Variants in RALGAPA1 observed in about 807,000 individuals in gnomAD.
RALGAPA1 encodes ral GTPase-activating protein subunit alpha-1.
In RALGAPA1, 52 loss-of-function variants were observed where a neutral mutation model predicts 269.6. That is an observed-to-expected ratio of 0.19 (90% CI 0.15 to 0.24). RALGAPA1 has a LOEUF of 0.24. RALGAPA1 is among the 10% of genes least tolerant of loss of function. The pLI is 1.00. For synonymous variants in RALGAPA1, 817 were observed against 1,008.3 expected (o/e 0.81, Z 3.60); for missense variants, 1,917 against 3,013.9 (o/e 0.64, Z 8.52).
intron 16 of RALGAPA1, chr14:35,706,614 C>CTTTTTTT (rs58711278): frequency 5.4e-5 from 6 of 111,218 alleles, no homozygotes; most frequent in East Asian, 2.5e-4. Context: ...TTTGCCTTTC[C>CTTTTTTT]TTTTTTTTTT....
intron 39 of RALGAPA1, among the ~76,000 whole-genome samples, chr14:35,560,289 G>C (rs1006268954): frequency 3.9e-5 from 6 of 152,012 alleles, no homozygotes; most frequent in African/African-American, 1.4e-4. Flanking sequence ...CCTACTTCTT[G>C]ATCTTTATCT....
chr14:35,680,472 A>G (rs1341083513), intron 21 of RALGAPA1, among the ~76,000 whole-genome samples: 1 of 152,154 alleles, frequency 6.6e-6, no homozygotes, highest in East Asian at 1.9e-4. Context: ...AGCCTCCCAA[A>G]GTACTGGGAT....
intron 17 of RALGAPA1, among the ~76,000 whole-genome samples, chr14:35,695,437 T>C (rs1173267727): frequency 2.0e-5 from 3 of 152,180 alleles, no homozygotes; most frequent in Non-Finnish European, 4.4e-5. Context: ...GACATACTAT[T>C]TTATTTTTCA....
chr14:35,575,862 G>A (rs942583576), intron 37 of RALGAPA1, among the ~76,000 whole-genome samples: 2 of 152,092 alleles, frequency 1.3e-5, no homozygotes, highest in African/African-American at 4.8e-5. Context: ...CCAAAGTGCT[G>A]GGATTACAGG....
At chr14:35,790,324 T>C (rs2141763505) in intron 1 of RALGAPA1, among the ~76,000 whole-genome samples, 1 of 152,040 alleles carries the variant, frequency 6.6e-6, no homozygotes. Flanking sequence ...TTCAAAGAAT[T>C]GTGGGGATCT....
intron 12 of RALGAPA1, among the ~76,000 whole-genome samples, chr14:35,730,254 G>C (rs190956083): frequency 2.4e-4 from 36 of 152,312 alleles, no homozygotes; most frequent in African/African-American, 8.2e-4. Context: ...GGGTCCCCAG[G>C]CAGGCCATTC....
chr14:35,735,798 AT>A (rs1009085465), intron 12 of RALGAPA1, among the ~76,000 whole-genome samples: 3 of 152,182 alleles, frequency 2.0e-5, no homozygotes, highest in African/African-American at 7.2e-5. Flanking sequence ...TCAAATGCAA[AT>A]TTTTTAACAG....
At chr14:35,748,437 C>T (rs951640765) in intron 10 of RALGAPA1, 148 bp downstream of exon 10, 19 of 865,634 alleles carry the variant, frequency 2.2e-5, no homozygotes, top group Non-Finnish European at 2.9e-5. Context: ...TGGCCTCAAA[C>T]TCCTGGGCTC....
intron 36 of RALGAPA1, among the ~76,000 whole-genome samples, chr14:35,596,399 T>C (rs1198052504): frequency 6.6e-6 from 1 of 152,042 alleles, no homozygotes; most frequent in East Asian, 1.9e-4. Flanking sequence ...CTGTGTGATG[T>C]ACAGAAGCCA....
chr14:35,750,302 ATTTC>A (rs1255252613), intron 9 of RALGAPA1, among the ~76,000 whole-genome samples, 176 bp downstream of exon 9: 3 of 152,304 alleles, frequency 2.0e-5, no homozygotes, highest in South Asian at 2.1e-4. Context: ...TTCCCGTTTC[ATTTC>A]TTTATTAAGA....
chr14:35,539,966 C>T (rs2053818668), intron 41 of RALGAPA1, among the ~76,000 whole-genome samples: 1 of 152,036 alleles, frequency 6.6e-6, no homozygotes, highest in African/African-American at 2.4e-5. Flanking sequence ...ATCTTTGAGC[C>T]AGAAAGAACA....
chr14:35,711,437 C>T (rs768308504), intron 16 of RALGAPA1, among the ~76,000 whole-genome samples: 8 of 152,116 alleles, frequency 5.3e-5, no homozygotes, highest in Non-Finnish European at 2.9e-5. Flanking sequence ...TATACATTAA[C>T]AACTAATCCA....
chr14:35,795,380 T>C (rs1162329107), intron 1 of RALGAPA1, among the ~76,000 whole-genome samples: 3 of 151,868 alleles, frequency 2.0e-5, no homozygotes, highest in Non-Finnish European at 4.4e-5. Flanking sequence ...CCTTTAAGTA[T>C]GATGATAGTA....
At chr14:35,715,101 G>A (rs1458317803) in intron 16 of RALGAPA1, among the ~76,000 whole-genome samples, 1 of 152,018 alleles carries the variant, frequency 6.6e-6, no homozygotes. Flanking sequence ...ATGTTCTTCT[G>A]TTTCTATAGA....
chr14:35,796,591 C>T (rs1409217084), intron 1 of RALGAPA1, among the ~76,000 whole-genome samples: 1 of 152,114 alleles, frequency 6.6e-6, no homozygotes, highest in African/African-American at 2.4e-5. Context: ...GATAATCAGA[C>T]TCCTCAACAC....
At chr14:35,613,113 C>T (rs1377993341) in intron 35 of RALGAPA1, among the ~76,000 whole-genome samples, 1 of 150,120 alleles carries the variant, frequency 6.7e-6, no homozygotes, top group African/African-American at 2.5e-5. Flanking sequence ...ATGGAGTCTC[C>T]CTCTGTCATC....
intron 37 of RALGAPA1, among the ~76,000 whole-genome samples, chr14:35,577,783 C>T (rs2057676778): frequency 2.6e-5 from 4 of 152,162 alleles, no homozygotes; most frequent in African/African-American, 9.7e-5. Context: ...ATTTATCTTC[C>T]TGACTTCTCC....
At chr14:35,805,078 G>T (rs547525946) in intron 1 of RALGAPA1, among the ~76,000 whole-genome samples, 1 of 151,602 alleles carries the variant, frequency 6.6e-6, no homozygotes, top group Non-Finnish European at 1.5e-5. Context: ...ACGAGGTCGC[G>T]AGTTCAAGAC....
intron 13 of RALGAPA1, among the ~76,000 whole-genome samples, chr14:35,726,876 C>T (rs568032989): frequency 3.9e-5 from 6 of 152,146 alleles, no homozygotes; most frequent in African/African-American, 1.4e-4. Flanking sequence ...AATCTCTGTC[C>T]ACTGCTTAAC....
Sources: gnomAD v4.1 joint callset for allele counts (sites outside exome capture counted in the v4.1 genomes callset) on GRCh38, gnomAD v4.1.1 for gene constraint, MANE v1.5 for transcripts, NCBI Gene and HGNC (gene_info 2026-07-23, HGNC 2026-07-21) for gene names.